The following NBEA variants were observed in gnomAD, a reference collection of about 807,000 sequenced individuals.
NBEA encodes neurobeachin.
A neutral mutation model predicts 343.4 loss-of-function variants in NBEA; 44 were observed. The ratio of observed to expected loss-of-function variants is 0.13; its 90% CI spans 0.10 to 0.16. The LOEUF is 0.16. Ranked by LOEUF, NBEA falls within the 10% of genes least tolerant of loss-of-function variation. The probability of loss-of-function intolerance (pLI) is 1.00; values close to 1 mark genes in which losing one functional copy is unlikely to be tolerated. For synonymous variants in NBEA, 1,175 were observed against 1,238.7 expected, an observed-to-expected ratio of 0.95 and a Z score of 1.08; for missense variants, 2,555 against 3,631.3, an observed-to-expected ratio of 0.70 and a Z score of 7.62.
At chr13:35,176,305 T>C (rs1419215739) in intron 27 of NBEA, among the ~76,000 whole-genome samples, 2 of 152,092 alleles carry the variant, frequency 1.3e-5, no homozygotes, top group African/African-American at 2.4e-5. Flanking sequence ...ATACCTATTA[T>C]GGGCTGGAAT....
chr13:35,118,552 G>T (rs1566313399), intron 16 of NBEA, 78 bp downstream of exon 16: 7 of 1,032,812 alleles, frequency 6.8e-6, no homozygotes, highest in Non-Finnish European at 7.1e-6. Context: ...GCTATTCTAT[G>T]AATATTTGAA....
chr13:35,648,137 T>C (rs1336366718), intron 51 of NBEA, among the ~76,000 whole-genome samples: 1 of 150,862 alleles, frequency 6.6e-6, no homozygotes, highest in Non-Finnish European at 1.5e-5. Flanking sequence ...GCGCTGGGAA[T>C]ACAGGCATAA....
chr13:35,349,361 T>C (rs977534051), intron 37 of NBEA, 145 bp downstream of exon 37: 2 of 507,478 alleles, frequency 3.9e-6, no homozygotes, highest in Non-Finnish European at 7.2e-6. Flanking sequence ...CTTTAGTAAA[T>C]GTCAAACAGA....
intron 48 of NBEA, 46 bp downstream of exon 48, chr13:35,606,624 CAT>C (rs767143149): frequency 2.0e-6 from 3 of 1,508,170 alleles, no homozygotes; most frequent in Non-Finnish European, 2.7e-6. Flanking sequence ...AGGGAGTTAA[CAT>C]ATTCTGTAGT....
chr13:35,577,830 G>A (rs1034126337), intron 45 of NBEA, among the ~76,000 whole-genome samples: 10 of 152,130 alleles, frequency 6.6e-5, no homozygotes, highest in Non-Finnish European at 1.0e-4. Context: ...ATGGTGTCAT[G>A]TAAGGCTTTA....
At chr13:35,171,578 A>G in intron 26 of NBEA, 126 bp downstream of exon 26, 1 of 775,086 alleles carries the variant, frequency 1.3e-6, no homozygotes. Flanking sequence ...TTATCTTGAG[A>G]TACAGAGATT....
At chr13:35,020,843 A>G (rs1593488623) in intron 1 of NBEA, among the ~76,000 whole-genome samples, 3 of 151,834 alleles carry the variant, frequency 2.0e-5, no homozygotes, top group Admixed American at 2.0e-4. Context: ...TTATTGGTGG[A>G]TTTTTTTTAT....
intron 11 of NBEA, among the ~76,000 whole-genome samples, chr13:35,099,926 T>C (rs1180202080): frequency 6.6e-6 from 1 of 152,178 alleles, no homozygotes; most frequent in African/African-American, 2.4e-5. Context: ...CTATGTCTTT[T>C]ATTAGCACTC....
chr13:35,219,214 C>T (rs1204905687), intron 33 of NBEA, among the ~76,000 whole-genome samples: 9 of 152,044 alleles, frequency 5.9e-5, no homozygotes, highest in Non-Finnish European at 1.2e-4. Flanking sequence ...GCCTTCCTTG[C>T]CTTCCTTGCC....
Position 35,056,015 on chromosome 13 carries a change from C to T in NBEA, c.978C>T (p.Tyr326=), listed in dbSNP as rs1416665384. 4.4e-6 allele frequency: 7 copies of T among 1,586,590 alleles called. No homozygotes were observed. Among genetic ancestry groups the T allele is most frequent in the Non-Finnish European group, 6.0e-6 (7 of 1,167,116 alleles). ...ATTTAATTTTTTTATTTAAGTGGTA[C>T]ATGATCAGCATTGTCCACATTTACA... ...VKYDFQPRKW[Y]MISIVHIYNR... The change falls in exon 7 of 59, where the codon TAC becomes TAT. Residue 326 remains tyrosine, a synonymous_variant. Transcript: ENST00000379939.
chr13:35,350,614 T>C (rs1258016453), intron 37 of NBEA, among the ~76,000 whole-genome samples: 1 of 151,960 alleles, frequency 6.6e-6, no homozygotes. Context: ...AAACATAAAA[T>C]ATAATATTAA....
intron 1 of NBEA, among the ~76,000 whole-genome samples, chr13:35,021,749 T>G (rs948542066): frequency 1.3e-5 from 2 of 152,134 alleles, no homozygotes; most frequent in Non-Finnish European, 2.9e-5. Flanking sequence ...AAAGTACACA[T>G]ATATTTCTCC....
intron 38 of NBEA, among the ~76,000 whole-genome samples, chr13:35,407,980 T>C (rs1243046814): frequency 1.3e-5 from 2 of 152,160 alleles, no homozygotes; most frequent in East Asian, 3.8e-4. Flanking sequence ...TAACCTACCA[T>C]TGAGATTCTT....
At chr13:35,534,301 G>A (rs1422713929) in intron 41 of NBEA, among the ~76,000 whole-genome samples, 2 of 152,122 alleles carry the variant, frequency 1.3e-5, no homozygotes, top group Non-Finnish European at 2.9e-5. Flanking sequence ...TCTCAGAACT[G>A]TCTGTTCTTC....
At chr13:35,479,364 A>C (rs1222493277) in intron 41 of NBEA, among the ~76,000 whole-genome samples, 1 of 152,154 alleles carries the variant, frequency 6.6e-6, no homozygotes, top group African/African-American at 2.4e-5. Context: ...TTTCTATTAC[A>C]CTGAACACGT....
At chr13:35,072,691 A>G (rs1223862949) in intron 10 of NBEA, among the ~76,000 whole-genome samples, 1 of 152,112 alleles carries the variant, frequency 6.6e-6, no homozygotes, top group African/African-American at 2.4e-5. Context: ...CCTCCCAAGC[A>G]GCTGGGATTA....
At chr13:35,564,823 A>C (rs917016178) in intron 44 of NBEA, among the ~76,000 whole-genome samples, 1 of 152,188 alleles carries the variant, frequency 6.6e-6, no homozygotes, top group Non-Finnish European at 1.5e-5. Context: ...TCGTCTTCTA[A>C]AGATAATGTT....
At chr13:35,044,677 CT>C (rs1337276039) in intron 2 of NBEA, among the ~76,000 whole-genome samples, 1 of 149,648 alleles carries the variant, frequency 6.7e-6, no homozygotes, top group Non-Finnish European at 1.5e-5. Flanking sequence ...TTTTACATTT[CT>C]GCTAAGACAG....
chr13:35,302,704 CTG>C (rs1244476624), intron 35 of NBEA, among the ~76,000 whole-genome samples: 1 of 152,128 alleles, frequency 6.6e-6, no homozygotes, highest in Admixed American at 6.5e-5. Flanking sequence ...AGGATTTTTT[CTG>C]TGTTTGCCAT....
Sources: allele counts gnomAD v4.1 joint callset (sites outside exome capture counted in the v4.1 genomes callset), GRCh38; gene constraint gnomAD v4.1.1; transcripts MANE v1.5; gene names NCBI Gene and HGNC (gene_info 2026-07-23, HGNC 2026-07-21).